ASIC2: variants seen among roughly 807,000 people sequenced by gnomAD.
The protein encoded by ASIC2 is acid sensing ion channel subunit 2.
ASIC2 carries 25 observed loss-of-function variants against 57.3 expected under a neutral mutation model. That is an observed-to-expected ratio of 0.44 (90% CI 0.32 to 0.61). The LOEUF (loss-of-function observed/expected upper bound fraction) is 0.61, where lower values mean the gene tolerates loss of function less well. ASIC2 is among the 20% of genes least tolerant of loss of function. The probability of loss-of-function intolerance (pLI) is 0.06; values close to 1 mark genes in which losing one functional copy is unlikely to be tolerated. For synonymous variants in ASIC2, 319 were observed against 307.5 expected (o/e 1.04, Z -0.39); for missense variants, 641 against 738.1 (o/e 0.87, Z 1.52).
chr17:33,411,205 G>T (rs907878604), intron 1 of ASIC2, among the ~76,000 whole-genome samples: 8 of 152,132 alleles, frequency 5.3e-5, no homozygotes, highest in African/African-American at 1.9e-4. Context: ...TAGTGTGTGT[G>T]GTCTTCCTGG....
chr17:33,511,789 C>A (rs142803399), intron 1 of ASIC2, among the ~76,000 whole-genome samples: 3 of 152,182 alleles, frequency 2.0e-5, no homozygotes. Flanking sequence ...CTTTTCAACA[C>A]TTAGGATAAA....
At chr17:33,066,948 C>G (rs1336930666) in intron 3 of ASIC2, among the ~76,000 whole-genome samples, 13 of 152,090 alleles carry the variant, frequency 8.5e-5, no homozygotes, top group Non-Finnish European at 1.9e-4. Flanking sequence ...GTACTCTTGG[C>G]AACAGGCAGG....
At chr17:33,964,965 C>T (rs976601601) in intron 1 of ASIC2, among the ~76,000 whole-genome samples, 4 of 152,150 alleles carry the variant, frequency 2.6e-5, no homozygotes, top group African/African-American at 7.2e-5. Context: ...AAAGTGCTCA[C>T]GGACCTCATC....
chr17:34,017,556 T>G (rs146980821), intron 1 of ASIC2, among the ~76,000 whole-genome samples: 288 of 152,324 alleles, frequency 1.9e-3, no homozygotes, highest in African/African-American at 6.7e-3. Context: ...CAAAAGCTAG[T>G]CCTCTTGCAC....
intron 1 of ASIC2, among the ~76,000 whole-genome samples, chr17:33,556,622 G>T (rs976814446): frequency 1.3e-5 from 2 of 152,194 alleles, no homozygotes; most frequent in East Asian, 3.8e-4. Flanking sequence ...AAAGGTTTGT[G>T]GCTGCATCAG....
chr17:33,640,985 G>A (rs967996405), intron 1 of ASIC2, among the ~76,000 whole-genome samples: 1 of 152,178 alleles, frequency 6.6e-6, no homozygotes, highest in Non-Finnish European at 1.5e-5. Flanking sequence ...CCTAGTAAAG[G>A]AATGGCAGCA....
chr17:33,736,205 AT>A lies in ASIC2; in HGVS notation c.555+419772del, dbSNP rs571506932. Reference sequence around the variant, plus strand: ...TATAAAGAGGCCACCTGGGGAATTTATTTTTCCTCCCACAATGAGAGAAAAG... The same window carrying A: ...TATAAAGAGGCCACCTGGGGAATTTATTTTCCTCCCACAATGAGAGAAAAG... On this transcript the variant is annotated intron_variant, in intron 1 of 9. Transcript: ENST00000359872. Among the ~76,000 whole-genome samples, 6 of 152,010 alleles carry A rather than the reference AT, an allele frequency of 3.9e-5. No individual in the cohort carries two copies. The South Asian group carries it at 1.2e-3, about 32-fold the overall frequency.
Position 33,071,613 on chromosome 17 carries a change from A to G in ASIC2, c.987+17250T>C, listed in dbSNP as rs144381132. On this transcript the variant is annotated intron_variant, in intron 3 of 9. Coordinates refer to ENST00000225823, the MANE Select transcript of ASIC2 (RefSeq NM_183377.2). Reference sequence around the variant, plus strand: ...TGCATGCCAATCATGGATGCCAGACATCATGATTGGATGCCAGATGTCATG... The same window carrying G: ...TGCATGCCAATCATGGATGCCAGACGTCATGATTGGATGCCAGATGTCATG... Among the ~76,000 whole-genome samples the G allele has an allele frequency of 5.9e-5, 9 of 152,344 alleles. No individual in the cohort carries two copies. The East Asian group carries it at 1.7e-3, about 29-fold the overall frequency.
At chr17:33,098,969 T>TAAACAAAAAATATATATATAA (rs2092197514) in intron 2 of ASIC2, among the ~76,000 whole-genome samples, 2 of 123,456 alleles carry the variant, frequency 1.6e-5, no homozygotes, top group African/African-American at 3.3e-5. Context: ...CAAAAATATA[T>TAAACAAAAAATATATATATAA]AAACAAAAAA....
chr17:34,046,622 C>T (rs1161818211), intron 1 of ASIC2, among the ~76,000 whole-genome samples: 1 of 152,140 alleles, frequency 6.6e-6, no homozygotes, highest in Non-Finnish European at 1.5e-5. Context: ...TCCTCCCACA[C>T]CAGTACCTAC....
At chr17:33,815,289 G>A (rs1423782993) in intron 1 of ASIC2, among the ~76,000 whole-genome samples, 1 of 152,196 alleles carries the variant, frequency 6.6e-6, no homozygotes, top group Non-Finnish European at 1.5e-5. Context: ...CACTTGTGGA[G>A]TCTACCCACT....
intron 1 of ASIC2, among the ~76,000 whole-genome samples, chr17:33,595,324 G>C (rs1411250755): frequency 6.6e-6 from 1 of 152,222 alleles, no homozygotes; most frequent in East Asian, 1.9e-4. Context: ...ACGTCAGAGG[G>C]TTATTAGGTC....
chr17:33,756,694 G>A (rs1910613954), intron 1 of ASIC2, among the ~76,000 whole-genome samples: 1 of 151,944 alleles, frequency 6.6e-6, no homozygotes, highest in African/African-American at 2.4e-5. Context: ...TAAACACTTA[G>A]AGAACCTCTT....
At chr17:33,484,958 G>T (rs565612447) in intron 1 of ASIC2, among the ~76,000 whole-genome samples, 22 of 152,358 alleles carry the variant, frequency 1.4e-4, no homozygotes, top group Non-Finnish European at 2.6e-4. Flanking sequence ...CTATGGGGTA[G>T]CCCTGCTCTG....
At chr17:34,102,711 T>C (rs926956588) in intron 1 of ASIC2, among the ~76,000 whole-genome samples, 1 of 152,254 alleles carries the variant, frequency 6.6e-6, no homozygotes, top group African/African-American at 2.4e-5. Context: ...CAATTTTGTA[T>C]TCATTTTCCC....
chr17:34,029,633 A>T (rs1907516170), intron 1 of ASIC2, among the ~76,000 whole-genome samples: 1 of 152,184 alleles, frequency 6.6e-6, no homozygotes. Flanking sequence ...CCAATCTGAT[A>T]AGACTGTAGC....
intron 1 of ASIC2, among the ~76,000 whole-genome samples, chr17:33,436,228 A>G (rs1911602634): frequency 6.6e-6 from 1 of 152,216 alleles, no homozygotes; most frequent in Non-Finnish European, 1.5e-5. Context: ...TTGGACACTG[A>G]AACTGCCTTT....
At chr17:33,394,132 T>A (rs1909993918) in intron 1 of ASIC2, among the ~76,000 whole-genome samples, 1 of 152,218 alleles carries the variant, frequency 6.6e-6, no homozygotes, top group African/African-American at 2.4e-5. Context: ...TTCTCCAGCC[T>A]AGTCTCTATG....
intron 1 of ASIC2, among the ~76,000 whole-genome samples, chr17:33,678,913 G>A (rs1412045104): frequency 6.6e-6 from 1 of 152,130 alleles, no homozygotes; most frequent in Non-Finnish European, 1.5e-5. Context: ...TAACAGATGG[G>A]AAAACTGAGG....
Sources: allele counts gnomAD v4.1 joint callset (sites outside exome capture counted in the v4.1 genomes callset), GRCh38; gene constraint gnomAD v4.1.1; transcripts MANE v1.5; gene names NCBI Gene and HGNC (gene_info 2026-07-23, HGNC 2026-07-21).